Variants in SLC9A2 observed in about 807,000 individuals in gnomAD.
SLC9A2 encodes the protein sodium/hydrogen exchanger 2.
Under a neutral mutation model 71.7 loss-of-function variants are expected in SLC9A2, and 42 were observed. That is an observed-to-expected ratio of 0.59 (90% CI 0.46 to 0.76). SLC9A2 has a LOEUF of 0.76. SLC9A2 is among the 30% of genes least tolerant of loss of function. The pLI, the probability that SLC9A2 is intolerant of heterozygous loss-of-function variation, is 0.00. For missense variants in SLC9A2, 829 were observed against 1,017.4 expected (o/e 0.81, Z 2.52); for synonymous variants, 396 against 392.5 (o/e 1.01, Z -0.10).
intron 2 of SLC9A2, among the ~76,000 whole-genome samples, chr2:102,663,491 T>C (rs59136792): frequency 0.023 from 3,430 of 152,300 alleles, 147 homozygotes; most frequent in African/African-American, 0.078. Flanking sequence ...TGGTAGGCTA[T>C]GACCACAAAG....
At chr2:102,648,303 C>G (rs572826786) in intron 1 of SLC9A2, among the ~76,000 whole-genome samples, 1 of 152,012 alleles carries the variant, frequency 6.6e-6, no homozygotes, top group Non-Finnish European at 1.5e-5. Context: ...CCCTTCATGC[C>G]AAAAACCCTC....
intron 3 of SLC9A2, among the ~76,000 whole-genome samples, chr2:102,669,256 G>T (rs1677199714): frequency 6.6e-6 from 1 of 152,138 alleles, no homozygotes; most frequent in African/African-American, 2.4e-5. Flanking sequence ...TTTCCCCTTT[G>T]TGGCCCTTCC....
intron 1 of SLC9A2, among the ~76,000 whole-genome samples, chr2:102,623,330 A>T (rs1483793292): frequency 6.6e-6 from 1 of 152,120 alleles, no homozygotes; most frequent in East Asian, 1.9e-4. Context: ...TCAGGACAGA[A>T]AGTGGAGTTT....
chr2:102,627,775 G>A (rs1676276984), intron 1 of SLC9A2, among the ~76,000 whole-genome samples: 1 of 152,058 alleles, frequency 6.6e-6, no homozygotes, highest in East Asian at 1.9e-4. Context: ...ATTAATCCTT[G>A]AATTAAAAAC....
At chr2:102,640,593 G>A (rs1256902145) in intron 1 of SLC9A2, among the ~76,000 whole-genome samples, 1 of 152,190 alleles carries the variant, frequency 6.6e-6, no homozygotes, top group African/African-American at 2.4e-5. Flanking sequence ...CACAGGGCAG[G>A]CATAGGGAGG....
chr2:102,622,300 G>A (rs1045388490), intron 1 of SLC9A2, among the ~76,000 whole-genome samples: 1 of 152,062 alleles, frequency 6.6e-6, no homozygotes, highest in Non-Finnish European at 1.5e-5. Flanking sequence ...ACAAAGTGGC[G>A]AGCCAAAATG....
At position 102,665,234 on chromosome 2, in the gene SLC9A2, G is replaced by T; in HGVS notation, c.888G>T (p.Ala296=). Residue 296 remains alanine, a synonymous_variant, in exon 3 of 12, where the codon GCG becomes GCT. Transcript: ENST00000233969. The part of the protein sequence containing the change: ...VLIGIFLGFI[A]AFTTRFTHNI... Reference sequence around the variant, plus strand: ...TTGGCATCTTCTTGGGCTTTATAGCGGCATTTACTACTCGATTCACCCATA... The same window carrying T: ...TTGGCATCTTCTTGGGCTTTATAGCTGCATTTACTACTCGATTCACCCATA... The T allele has an allele frequency of 1.2e-6, 2 of 1,614,040 alleles. No individual in the cohort carries two copies.
intron 3 of SLC9A2, among the ~76,000 whole-genome samples, chr2:102,678,295 A>C (rs1046177349): frequency 1.3e-5 from 2 of 151,020 alleles, no homozygotes; most frequent in Admixed American, 6.6e-5. Flanking sequence ...GTTAAATTGC[A>C]CTTCACAATC....
At chr2:102,704,504 GT>G in intron 9 of SLC9A2, 39 bp from the exon 10 acceptor site, 1 of 1,591,856 alleles carries the variant, frequency 6.3e-7, no homozygotes, top group African/African-American at 1.3e-5. Context: ...TCAGGTTTTT[GT>G]TTTTGTTTTT....
In SLC9A2 at chr2:102,682,225, G is replaced by C. The variant is rs531522429; in HGVS notation, c.1005-1036G>C. Among the ~76,000 whole-genome samples the C allele has an allele frequency of 2.0e-5, 3 of 152,250 alleles. No individual in the cohort carries two copies. In the South Asian group the frequency reaches 6.2e-4, roughly 32 times the overall value. On this transcript the variant is annotated intron_variant, in intron 3 of 11. Coordinates refer to ENST00000233969, the MANE Select transcript of SLC9A2 (RefSeq NM_003048.6). ...ACTTCATAGTAACCGTGTCTCCTTA[G>C]ACCGGACCTACCATGAGCTGTCACC...
At chr2:102,667,505 G>A (rs1424381215) in intron 3 of SLC9A2, among the ~76,000 whole-genome samples, 1 of 152,162 alleles carries the variant, frequency 6.6e-6, no homozygotes, top group Admixed American at 6.5e-5. Flanking sequence ...TGAAGAATTG[G>A]ATGGGATGGG....
intron 6 of SLC9A2, among the ~76,000 whole-genome samples, chr2:102,694,789 T>C (rs75939388): frequency 0.017 from 2,517 of 152,340 alleles, 68 homozygotes; most frequent in African/African-American, 0.054. Context: ...ATTATTACCA[T>C]ATTTCATACT....
At chr2:102,664,476 C>T (rs949667419) in intron 2 of SLC9A2, among the ~76,000 whole-genome samples, 2 of 149,098 alleles carry the variant, frequency 1.3e-5, no homozygotes, top group African/African-American at 5.0e-5. Context: ...CACACACACA[C>T]ATACATATGA....
intron 3 of SLC9A2, among the ~76,000 whole-genome samples, chr2:102,682,373 G>C (rs1443001968): frequency 1.3e-5 from 2 of 152,182 alleles, no homozygotes; most frequent in African/African-American, 4.8e-5. Flanking sequence ...TTCAGGTTGG[G>C]CAATTCCATA....
chr2:102,678,912 G>C (rs1310618325), intron 3 of SLC9A2, among the ~76,000 whole-genome samples: 1 of 152,190 alleles, frequency 6.6e-6, no homozygotes, highest in Admixed American at 6.5e-5. Context: ...GTGGAAGGGA[G>C]ACTAGCTCAT....
Position 102,692,019 on chromosome 2 carries a change from C to A in SLC9A2, c.1426-2395C>A, listed in dbSNP as rs374792454. ...TTTACATTGATTTTGTCAACTTTTT[C>A]TTGAGCTATTATTAAACTACTGGCT... On this transcript the variant is annotated intron_variant, in intron 5 of 11. Coordinates refer to ENST00000233969, the MANE Select transcript of SLC9A2 (RefSeq NM_003048.6). Among the ~76,000 whole-genome samples the A allele has an allele frequency of 8.9e-4, 135 of 152,312 alleles. 1 individual carries two copies. The highest frequency in any genetic ancestry group is 3.0e-3 in the African/African-American group (126 of 41,578).
At chr2:102,689,506 CT>C (rs34216566) in intron 5 of SLC9A2, among the ~76,000 whole-genome samples, 54,188 of 151,890 alleles carry the variant, frequency 0.36, 10,118 homozygotes, top group East Asian at 0.52. Flanking sequence ...TTTTATAGAC[CT>C]TGTGAAGACC....
At chr2:102,679,237 T>C (rs1403047711) in intron 3 of SLC9A2, among the ~76,000 whole-genome samples, 2 of 152,168 alleles carry the variant, frequency 1.3e-5, no homozygotes, top group African/African-American at 4.8e-5. Flanking sequence ...GTAGGAAACT[T>C]CACTGAGTTA....
intron 3 of SLC9A2, among the ~76,000 whole-genome samples, chr2:102,670,094 C>T (rs373666345): frequency 6.6e-5 from 10 of 151,472 alleles, no homozygotes; most frequent in East Asian, 5.8e-4. Context: ...TGCAGTGGCG[C>T]GATCTCTGCT....
Sources: allele counts gnomAD v4.1 joint callset (sites outside exome capture counted in the v4.1 genomes callset), GRCh38; gene constraint gnomAD v4.1.1; transcripts MANE v1.5; gene names NCBI Gene and HGNC (gene_info 2026-07-23, HGNC 2026-07-21).